Variants in ADCY8 observed in about 807,000 individuals in gnomAD.
ADCY8 encodes the protein adenylate cyclase 8, also known as adenylate cyclase type 8.
In ADCY8, 51 loss-of-function variants were observed where a neutral mutation model predicts 119.7. That is an observed-to-expected ratio of 0.43 (90% CI 0.34 to 0.54). The LOEUF is 0.54. ADCY8 is among the 20% of genes least tolerant of loss of function. The pLI is 0.03. For synonymous variants in ADCY8, 665 were observed against 651.0 expected (o/e 1.02, Z -0.33); for missense variants, 1,383 against 1,598.8 (o/e 0.87, Z 2.30).
chr8:130,920,849 C>T (rs1217418155), intron 5 of ADCY8, among the ~76,000 whole-genome samples: 3 of 152,162 alleles, frequency 2.0e-5, no homozygotes, highest in African/African-American at 7.2e-5. Flanking sequence ...TACTGCTGTT[C>T]CCCAAGGAAG....
Position 130,913,658 on chromosome 8 carries a change from C to T in ADCY8, c.1482-3792G>A, listed in dbSNP as rs182569322. Among the ~76,000 whole-genome samples, 4 of 152,086 alleles carry T rather than the reference C, an allele frequency of 2.6e-5. No individual in the cohort carries two copies. The East Asian group carries it at 7.7e-4, about 29-fold the overall frequency. On this transcript the variant is annotated intron_variant, in intron 5 of 17. Transcript: ENST00000286355. ...ATGTTATGATATCCTGCTATCACACCCCCCTCCTGTAATAAAGTGTGAATG... is the reference window on the plus strand; with the variant it reads ...ATGTTATGATATCCTGCTATCACACTCCCCTCCTGTAATAAAGTGTGAATG...
intron 8 of ADCY8, among the ~76,000 whole-genome samples, chr8:130,877,463 C>A (rs1273789778): frequency 1.3e-5 from 2 of 152,214 alleles, no homozygotes; most frequent in Non-Finnish European, 2.9e-5. Context: ...GCTCTGAGCT[C>A]TGCTGGAGGC....
intron 14 of ADCY8, among the ~76,000 whole-genome samples, chr8:130,808,674 C>T (rs1509850): frequency 0.083 from 12,622 of 152,204 alleles, 759 homozygotes; most frequent in Admixed American, 0.18. Flanking sequence ...TGCCTGGCAC[C>T]GGGCTGCATT....
intron 12 of ADCY8, among the ~76,000 whole-genome samples, chr8:130,822,548 A>T (rs920393952): frequency 2.0e-4 from 18 of 89,134 alleles, no homozygotes; most frequent in African/African-American, 4.5e-4. Flanking sequence ...CCATCCATCC[A>T]TCCATCCATC....
In ADCY8 at chr8:130,867,760, G is replaced by A. The variant is rs1818178931; in HGVS notation, c.2210+86C>T. On this transcript the variant is annotated intron_variant, in intron 9 of 17. Coordinates refer to ENST00000286355, the MANE Select transcript of ADCY8 (RefSeq NM_001115.3). ...CCTGGACTCAGTTATTTTAAATTCTGATTCTTTGAAAAGTCAGCTGGCTGA... is the reference window on the plus strand; with the variant it reads ...CCTGGACTCAGTTATTTTAAATTCTAATTCTTTGAAAAGTCAGCTGGCTGA... 3 of 916,964 alleles carry A rather than the reference G, an allele frequency of 3.3e-6. No homozygotes were observed. In the Admixed American group the frequency reaches 6.7e-5, roughly 20 times the overall value. The allele number at this position is 916,964 out of a possible 1,614,324, so 56.8% of individuals were successfully genotyped here.
intron 1 of ADCY8, among the ~76,000 whole-genome samples, chr8:131,002,776 A>G (rs1822992489): frequency 6.6e-6 from 1 of 152,186 alleles, no homozygotes; most frequent in African/African-American, 2.4e-5. Flanking sequence ...TTGAATTCCA[A>G]GAATAATATC....
chr8:130,972,463 T>C (rs962699785), intron 2 of ADCY8, among the ~76,000 whole-genome samples: 2 of 152,180 alleles, frequency 1.3e-5, no homozygotes, highest in African/African-American at 2.4e-5. Context: ...TCATTTGCTT[T>C]GTAAGGAAAA....
intron 7 of ADCY8, among the ~76,000 whole-genome samples, chr8:130,903,378 C>G (rs1319374848): frequency 1.3e-5 from 2 of 151,536 alleles, no homozygotes; most frequent in South Asian, 4.2e-4. Flanking sequence ...CTGATGATGG[C>G]CAGCTACCGA....
In ADCY8 at chr8:130,780,793, G is replaced by T. The variant is rs927469755; in HGVS notation, c.3353C>A (p.Ala1118Glu). ...AACCCCCGTGCTGTCCATTCGGCTT[G>T]CCAGGTTCACAGTTTTGCCCCAAAT... is the stretch of plus-strand genomic sequence containing the variant. The part of the protein sequence containing the change: ...YDIWGKTVNL[A>E]SRMDSTGVSG... Residue 1118 changes from alanine to glutamate, a missense_variant, in exon 18 of 18, where the codon GCA becomes GAA. Around this residue, in one of 2 missense-constraint regions of ADCY8, gnomAD observed 928 missense variants for 1,163.5 expected, o/e 0.80. Transcript: ENST00000286355. 9 of 1,614,198 alleles carry T rather than the reference G, an allele frequency of 5.6e-6. No homozygotes were observed. Among genetic ancestry groups the T allele is most frequent in the Non-Finnish European group, 7.6e-6 (9 of 1,180,022 alleles).
intron 5 of ADCY8, among the ~76,000 whole-genome samples, chr8:130,924,005 A>C (rs1266519730): frequency 2.6e-5 from 4 of 152,232 alleles, no homozygotes; most frequent in Non-Finnish European, 5.9e-5. Context: ...TGTATGTAGG[A>C]TCTCCTAAAC....
intron 2 of ADCY8, among the ~76,000 whole-genome samples, chr8:130,953,806 G>A (rs904160335): frequency 3.9e-5 from 6 of 152,084 alleles, no homozygotes; most frequent in African/African-American, 1.4e-4. Flanking sequence ...CATGCAAAAG[G>A]CTTTATTAAT....
chr8:130,809,045 A>G (rs1816076979), intron 14 of ADCY8, among the ~76,000 whole-genome samples: 1 of 152,210 alleles, frequency 6.6e-6, no homozygotes, highest in Non-Finnish European at 1.5e-5. Flanking sequence ...TTCTAAGCCA[A>G]AAGCACAGCA....
chr8:131,039,486 C>G lies in ADCY8; in HGVS notation c.848G>C (p.Ser283Thr). ...CCAGGTGAGCGGCAGCGGCAGCATACTGTAGGTGGCGAAGAGCGTGAAGAG... is the reference window on the plus strand; with the variant it reads ...CCAGGTGAGCGGCAGCGGCAGCATAGTGTAGGTGGCGAAGAGCGTGAAGAG... Reference protein sequence around the residue: ...YVLFTLFATYSMLPLPLTWAI... With the variant: ...YVLFTLFATYTMLPLPLTWAI... The change falls in exon 1 of 18, where the codon AGT becomes ACT. Residue 283 changes from serine (S) to threonine (T), a missense_variant. This residue lies in a region of ADCY8 where 455 missense variants were observed against 435.3 expected (regional missense o/e 1.05). Coordinates refer to ENST00000286355, the MANE Select transcript of ADCY8 (RefSeq NM_001115.3). The G allele has an allele frequency of 6.2e-7, 1 of 1,614,058 alleles. No individual in the cohort carries two copies. Among genetic ancestry groups the G allele is most frequent in the Non-Finnish European group, 8.5e-7 (1 of 1,180,042 alleles).
intron 9 of ADCY8, among the ~76,000 whole-genome samples, chr8:130,851,018 A>C (rs1265175235): frequency 6.6e-6 from 1 of 152,188 alleles, no homozygotes; most frequent in African/African-American, 2.4e-5. Flanking sequence ...ACAGTTGGTC[A>C]GTGTTAGAGC....
chr8:130,789,226 T>A (rs1426713656), intron 15 of ADCY8, among the ~76,000 whole-genome samples: 1 of 152,150 alleles, frequency 6.6e-6, no homozygotes, highest in Admixed American at 6.5e-5. Flanking sequence ...ACCAAATATA[T>A]GCTATTAAGA....
At chr8:130,815,560 A>C (rs780144809) in intron 13 of ADCY8, among the ~76,000 whole-genome samples, 17 of 152,240 alleles carry the variant, frequency 1.1e-4, no homozygotes, top group Non-Finnish European at 2.1e-4. Context: ...GCAAACATGA[A>C]TTAATAACTT....
At chr8:131,001,351 A>G (rs1822940742) in intron 1 of ADCY8, among the ~76,000 whole-genome samples, 1 of 152,074 alleles carries the variant, frequency 6.6e-6, no homozygotes, top group Admixed American at 6.6e-5. Context: ...TGCACCTGCC[A>G]GATGCTGGAG....
intron 5 of ADCY8, among the ~76,000 whole-genome samples, chr8:130,913,331 C>T (rs995416029): frequency 2.0e-5 from 3 of 152,078 alleles, no homozygotes; most frequent in African/African-American, 7.2e-5. Context: ...CCACCTCCCT[C>T]CTAACCCCCC....
intron 7 of ADCY8, among the ~76,000 whole-genome samples, chr8:130,891,766 T>TA (rs1393674524): frequency 6.6e-6 from 1 of 152,126 alleles, no homozygotes; most frequent in Admixed American, 6.6e-5. Context: ...CTTGATAAAA[T>TA]ATCCACATGA....
Sources: gnomAD v4.1 joint callset for allele counts (sites outside exome capture counted in the v4.1 genomes callset) on GRCh38, gnomAD v4.1.1 for gene constraint, gnomAD v4.1.1 regional missense constraint, MANE v1.5 for transcripts, NCBI Gene and HGNC (gene_info 2026-07-23, HGNC 2026-07-21) for gene names.